Variants in KCNMA1 observed in about 807,000 individuals in gnomAD.
The protein encoded by KCNMA1 is Calcium-activated potassium channel subunit alpha-1.
In KCNMA1, 29 loss-of-function variants were observed where a neutral mutation model predicts 140.0. That is an observed-to-expected ratio of 0.21 (90% CI 0.15 to 0.28). KCNMA1 has a LOEUF of 0.28. Among genes scored for constraint, KCNMA1 ranks in the 10% least tolerant of loss-of-function variants. The pLI, the probability that KCNMA1 is intolerant of heterozygous loss-of-function variation, is 1.00. For synonymous variants in KCNMA1, 612 were observed against 611.9 expected (o/e 1.00, Z 0.00); for missense variants, 880 against 1,602.2 (o/e 0.55, Z 7.70).
In KCNMA1 at chr10:77,190,426, TAG is replaced by T. The variant is rs1210089785; in HGVS notation, c.603-5512_603-5511del. Among the ~76,000 whole-genome samples, 9 of 152,126 alleles carry T rather than the reference TAG, an allele frequency of 5.9e-5. No homozygotes were observed. The East Asian group carries it at 1.7e-3, about 29-fold the overall frequency. On this transcript the variant is annotated intron_variant, in intron 3 of 27. Transcript: ENST00000286628. ...CAATCAAGACCCTGCAGCTATGTGG[TAG>T]AGTTAGGATAGAGACCCACTAGCCT...
At chr10:77,049,520 A>T (rs11001990) in intron 14 of KCNMA1, among the ~76,000 whole-genome samples, 2,179 of 152,336 alleles carry the variant, frequency 0.014, 73 homozygotes, top group African/African-American at 0.049. Flanking sequence ...TTCCGTATCG[A>T]CTGTAAGCTC....
At chr10:77,349,784 A>G (rs373647622) in intron 2 of KCNMA1, among the ~76,000 whole-genome samples, 25 of 152,334 alleles carry the variant, frequency 1.6e-4, no homozygotes, top group African/African-American at 6.0e-4. Flanking sequence ...CAGCCACTCA[A>G]ACTTTCCAGG....
At chr10:77,583,713 G>A (rs1003683295) in intron 1 of KCNMA1, among the ~76,000 whole-genome samples, 1 of 152,176 alleles carries the variant, frequency 6.6e-6, no homozygotes, top group Non-Finnish European at 1.5e-5. Context: ...AGATGAAGAG[G>A]AAGTGGGTGT....
chr10:77,110,955 C>T (rs2097306795), intron 7 of KCNMA1, among the ~76,000 whole-genome samples: 1 of 152,202 alleles, frequency 6.6e-6, no homozygotes, highest in African/African-American at 2.4e-5. Flanking sequence ...TTCACAGGGG[C>T]ATGGAAAGTG....
At chr10:77,226,861 T>C (rs1009951701) in intron 3 of KCNMA1, among the ~76,000 whole-genome samples, 3 of 152,192 alleles carry the variant, frequency 2.0e-5, no homozygotes, top group Non-Finnish European at 2.9e-5. Flanking sequence ...GTCTCTATTT[T>C]ACTAATAGCC....
rs200962787 is a variant in KCNMA1, at chr10:77,084,618, G to A, written c.1523+19C>T. 5.4e-5 allele frequency: 87 copies of A among 1,605,194 alleles called. 1 individual carries two copies. The highest frequency in any genetic ancestry group is 5.2e-4 in the South Asian group (47 of 90,920). On this transcript the variant is annotated intron_variant, in intron 12 of 27. Coordinates refer to ENST00000286628, the MANE Select transcript of KCNMA1 (RefSeq NM_001161352.2). ...CAGACTGCCAAGCCCAGGGCCTTCCGCAGCGCCCCAAGAGTTACCTCATGA... is the reference window on the plus strand; with the variant it reads ...CAGACTGCCAAGCCCAGGGCCTTCCACAGCGCCCCAAGAGTTACCTCATGA...
intron 20 of KCNMA1, among the ~76,000 whole-genome samples, chr10:76,964,135 C>A (rs889013843): frequency 6.6e-6 from 1 of 151,918 alleles, no homozygotes; most frequent in Admixed American, 6.6e-5. Context: ...CCCCGAGACA[C>A]CACTGCCCAC....
At chr10:77,230,207 G>T (rs1452373968) in intron 3 of KCNMA1, among the ~76,000 whole-genome samples, 1 of 152,222 alleles carries the variant, frequency 6.6e-6, no homozygotes, top group East Asian at 1.9e-4. Context: ...GCAAATATAT[G>T]ATTCCATTTA....
intron 3 of KCNMA1, among the ~76,000 whole-genome samples, chr10:77,232,080 C>CAAGA: frequency 6.6e-6 from 1 of 152,312 alleles, no homozygotes; most frequent in South Asian, 2.1e-4. Context: ...ATAATGCTTT[C>CAAGA]AAGGTACACA....
intron 1 of KCNMA1, among the ~76,000 whole-genome samples, chr10:77,512,289 C>T (rs2048686171): frequency 6.6e-6 from 1 of 152,202 alleles, no homozygotes; most frequent in Admixed American, 6.5e-5. Flanking sequence ...ACAGTCCCCC[C>T]TTATCCATAG....
At chr10:77,128,170 T>A (rs2097780765) in intron 5 of KCNMA1, among the ~76,000 whole-genome samples, 1 of 152,102 alleles carries the variant, frequency 6.6e-6, no homozygotes, top group African/African-American at 2.4e-5. Context: ...TGTATTTATC[T>A]TAATTGTAGT....
chr10:77,508,356 T>TTG (rs1555402350), intron 1 of KCNMA1, among the ~76,000 whole-genome samples: 1 of 148,956 alleles, frequency 6.7e-6, no homozygotes, highest in East Asian at 2.0e-4. Context: ...TTTTTTTTTT[T>TTG]GTAATTTTTG....
At chr10:77,071,726 G>A (rs1031252918) in intron 14 of KCNMA1, 1 of 152,202 alleles carries the variant, frequency 6.6e-6, no homozygotes, top group Non-Finnish European at 1.5e-5. Context: ...GCTGCATAAT[G>A]AGCATAGGAG....
chr10:77,182,638 G>A (rs2098812220), intron 5 of KCNMA1, among the ~76,000 whole-genome samples: 1 of 152,152 alleles, frequency 6.6e-6, no homozygotes, highest in African/African-American at 2.4e-5. Flanking sequence ...CTAAAAATAA[G>A]GACAGAAGGA....
chr10:77,382,994 G>GTGTGTGTGTATA (rs1491457588), intron 2 of KCNMA1, among the ~76,000 whole-genome samples: 42 of 46,430 alleles, frequency 9.0e-4, no homozygotes, highest in Non-Finnish European at 1.3e-3. Flanking sequence ...GTGTGTGTGT[G>GTGTGTGTGTATA]TATATATATA....
At chr10:76,941,974 T>C (rs967183154) in intron 23 of KCNMA1, among the ~76,000 whole-genome samples, 1 of 151,984 alleles carries the variant, frequency 6.6e-6, no homozygotes, top group African/African-American at 2.4e-5. Flanking sequence ...GTTTGTTGGT[T>C]TATTTTATTT....
At chr10:76,999,147 G>A (rs1162360651) in intron 19 of KCNMA1, among the ~76,000 whole-genome samples, 1 of 152,184 alleles carries the variant, frequency 6.6e-6, no homozygotes, top group Non-Finnish European at 1.5e-5. Context: ...CCACCCCAAG[G>A]TTTTCTTCTC....
intron 5 of KCNMA1, among the ~76,000 whole-genome samples, chr10:77,150,619 T>C (rs915056086): frequency 2.0e-5 from 3 of 152,240 alleles, no homozygotes; most frequent in African/African-American, 7.2e-5. Context: ...CTATGGACTA[T>C]GGATAGTTTA....
chr10:77,338,200 A>G (rs2089836634), intron 2 of KCNMA1, among the ~76,000 whole-genome samples: 1 of 152,054 alleles, frequency 6.6e-6, no homozygotes, highest in South Asian at 2.1e-4. Flanking sequence ...TCTTTCGGAG[A>G]TTTCCTCCAC....
Sources: allele counts gnomAD v4.1 joint callset (sites outside exome capture counted in the v4.1 genomes callset), GRCh38; gene constraint gnomAD v4.1.1; transcripts MANE v1.5; gene names NCBI Gene and HGNC (gene_info 2026-07-23, HGNC 2026-07-21).